OLAH: variants seen among roughly 807,000 people sequenced by gnomAD.
OLAH encodes the protein S-acyl fatty acid synthase thioesterase, medium chain.
OLAH carries 33 observed loss-of-function variants against 27.8 expected under a neutral mutation model. That is an observed-to-expected ratio of 1.19 (90% CI 0.90 to 1.59). The LOEUF (loss-of-function observed/expected upper bound fraction) is 1.59. Among genes scored for constraint, OLAH ranks in the 40% most tolerant of loss-of-function variants. The probability of loss-of-function intolerance (pLI) is 0.00; values close to 1 mark genes in which losing one functional copy is unlikely to be tolerated. For synonymous variants in OLAH, 120 were observed against 102.9 expected, an observed-to-expected ratio of 1.17 and a Z score of -1.01; for missense variants, 359 against 310.8, an observed-to-expected ratio of 1.16 and a Z score of -1.17.
chr10:15,039,756 C>T (rs1390609958), upstream of OLAH, among the ~76,000 whole-genome samples: 2 of 152,212 alleles, frequency 1.3e-5, no homozygotes, highest in African/African-American at 4.8e-5. Context: ...AGGTGGCCAA[C>T]AGCAAGACTG....
At chr10:15,048,422 T>A (rs1844064759) in intron 2 of OLAH, among the ~76,000 whole-genome samples, 1 of 152,336 alleles carries the variant, frequency 6.6e-6, no homozygotes, top group Admixed American at 6.5e-5. Context: ...TTCGCCATGT[T>A]GGCCAGGCTG....
chr10:15,042,492 G>A (rs1381613782), upstream of OLAH, among the ~76,000 whole-genome samples: 2 of 152,124 alleles, frequency 1.3e-5, no homozygotes, highest in South Asian at 4.1e-4. Context: ...GTAATGTCAC[G>A]GAGAATGGGG....
chr10:15,041,344 T>A (rs1012823846), upstream of OLAH, among the ~76,000 whole-genome samples: 1 of 151,904 alleles, frequency 6.6e-6, no homozygotes, highest in African/African-American at 2.4e-5. Flanking sequence ...AATGGTGCGA[T>A]CTTGGCTCAC....
At chr10:15,043,292 A>G (rs181328799), upstream of OLAH, among the ~76,000 whole-genome samples, 65 of 152,166 alleles carry the variant, frequency 4.3e-4, 4 homozygotes, top group African/African-American at 1.6e-3. Context: ...AAAAGTCTTA[A>G]TAGGTATTGA....
intron 6 of OLAH, among the ~76,000 whole-genome samples, chr10:15,070,802 T>C (rs2131381397): frequency 7.3e-6 from 1 of 136,068 alleles, no homozygotes; most frequent in Admixed American, 7.9e-5. Context: ...TTTTTTTTTT[T>C]TGAGACAGGA....
At chr10:15,064,973 G>A (rs370421246) in intron 5 of OLAH, among the ~76,000 whole-genome samples, 21 of 152,196 alleles carry the variant, frequency 1.4e-4, no homozygotes, top group South Asian at 2.1e-4. Flanking sequence ...TACTTGCAAC[G>A]GCAAAAACCA....
upstream of OLAH, among the ~76,000 whole-genome samples, chr10:15,039,993 TAG>T (rs1221831568): frequency 1.3e-5 from 2 of 152,182 alleles, no homozygotes; most frequent in Non-Finnish European, 1.5e-5. Flanking sequence ...GGTGGTCTTT[TAG>T]AGTGGTCTCA....
chr10:15,059,460 T>C (rs1844319694), intron 3 of OLAH, among the ~76,000 whole-genome samples: 1 of 151,884 alleles, frequency 6.6e-6, no homozygotes, highest in African/African-American at 2.4e-5. Context: ...GTGCTGGGAT[T>C]ACAGGCATGA....
chr10:15,070,152 T>C (rs1292096213), intron 6 of OLAH, among the ~76,000 whole-genome samples: 5 of 152,158 alleles, frequency 3.3e-5, no homozygotes, highest in Middle Eastern at 3.4e-3. Flanking sequence ...TCTCTGTTTT[T>C]TTTTTTTTTC....
intron 1 of OLAH, among the ~76,000 whole-genome samples, chr10:15,046,191 CAA>C (rs1844013304): frequency 6.6e-6 from 1 of 151,816 alleles, no homozygotes; most frequent in African/African-American, 2.4e-5. Context: ...ACTAAAAATA[CAA>C]AAGTTATCTG....
intron 3 of OLAH, among the ~76,000 whole-genome samples, chr10:15,053,478 A>C: frequency 6.6e-6 from 1 of 152,186 alleles, no homozygotes; most frequent in East Asian, 1.9e-4. Context: ...GCATGCATAC[A>C]ACTCCAGTAA....
chr10:15,058,208 T>G (rs1844283621), intron 3 of OLAH, among the ~76,000 whole-genome samples: 1 of 152,204 alleles, frequency 6.6e-6, no homozygotes, highest in Non-Finnish European at 1.5e-5. Flanking sequence ...TGCTTCAGCT[T>G]CTTGAGTAGC....
intron 3 of OLAH, among the ~76,000 whole-genome samples, chr10:15,057,601 G>A (rs2131360603): frequency 6.6e-6 from 1 of 152,006 alleles, no homozygotes; most frequent in East Asian, 1.9e-4. Flanking sequence ...AGTCAGGCTG[G>A]ACTCAAACTC....
At chr10:15,034,487 C>T (rs1398008287) in intron 1 of OLAH, among the ~76,000 whole-genome samples, 1 of 152,146 alleles carries the variant, frequency 6.6e-6, no homozygotes, top group African/African-American at 2.4e-5. Context: ...AGAAAGGATA[C>T]TAAGGAACTC....
chr10:15,041,765 G>A (rs964829266), upstream of OLAH, among the ~76,000 whole-genome samples: 4 of 151,682 alleles, frequency 2.6e-5, no homozygotes, highest in African/African-American at 7.3e-5. Context: ...TAGTAGAGAC[G>A]GGGTTTCACC....
Position 15,064,446 on chromosome 10 carries a change from G to T in OLAH, c.346G>T (p.Glu116Ter). ...TTTTAGGACTGCACTAGGTCTAAAA[G>T]AAAACAATCAACCAGAACCATTGCA... ...IAFRTALGLK[E>*]NNQPEPLHLF... The change falls in exon 5 of 8, where the codon GAA becomes TAA. Residue 116 changes from glutamate (E) to a stop codon, truncating the protein, a stop_gained. Transcript: ENST00000378228. LOFTEE classifies it high-confidence loss of function. 1 of 1,597,998 alleles carries T rather than the reference G, an allele frequency of 6.3e-7. No individual in the cohort carries two copies. The highest frequency in any genetic ancestry group is 8.5e-7 in the Non-Finnish European group (1 of 1,174,600).
chr10:15,066,461 T>G (rs929271687), intron 6 of OLAH, among the ~76,000 whole-genome samples: 1 of 152,078 alleles, frequency 6.6e-6, no homozygotes, highest in Non-Finnish European at 1.5e-5. Context: ...TTTTTGTACA[T>G]TTTGTTCCAG....
chr10:15,063,061 T>C lies in OLAH; in HGVS notation c.302+1199T>C, dbSNP rs75500896. On this transcript the variant is annotated intron_variant, in intron 4 of 7. Transcript: ENST00000378228. ...GCCCAATGAACATTCTTATAGAAAA[T>C]TTAGTATAAATCTCCTATCAGTTTT... Among the ~76,000 whole-genome samples the C allele has an allele frequency of 4.7e-3, 721 of 152,202 alleles. 5 individuals are homozygous for C. Among genetic ancestry groups the C allele is most frequent in the African/African-American group, 0.017 (697 of 41,524 alleles).
chr10:15,058,236 G>A (rs1466023540), intron 3 of OLAH, among the ~76,000 whole-genome samples: 1 of 152,118 alleles, frequency 6.6e-6, no homozygotes, highest in African/African-American at 2.4e-5. Flanking sequence ...ATAGGAATGT[G>A]CCACCATGCT....
Sources: allele counts gnomAD v4.1 joint callset (sites outside exome capture counted in the v4.1 genomes callset), GRCh38; gene constraint gnomAD v4.1.1; transcripts MANE v1.5; gene names NCBI Gene and HGNC (gene_info 2026-07-23, HGNC 2026-07-21).